The following ABL2 variants were observed in gnomAD, a reference collection of about 807,000 sequenced individuals.
ABL2 encodes the protein tyrosine-protein kinase ABL2.
ABL2 carries 49 observed loss-of-function variants against 107.7 expected under a neutral mutation model. The observed-to-expected ratio is 0.45, with a 90% CI of 0.36 to 0.58. ABL2 has a LOEUF of 0.58. Among genes scored for constraint, ABL2 ranks in the 20% least tolerant of loss-of-function variants. The probability of loss-of-function intolerance (pLI) is 0.00; values close to 1 mark genes in which losing one functional copy is unlikely to be tolerated. For missense variants in ABL2, 1,245 were observed against 1,457.0 expected (o/e 0.85, Z 2.37); for synonymous variants, 549 against 548.6 (o/e 1.00, Z -0.01).
chr1:179,186,543 T>A (rs1660695609), intron 1 of ABL2, among the ~76,000 whole-genome samples: 1 of 151,842 alleles, frequency 6.6e-6, no homozygotes, highest in Admixed American at 6.6e-5. Context: ...CATGCCCAGC[T>A]AATTTTTTTG....
chr1:179,152,499 GT>G (rs1658419836), intron 1 of ABL2, among the ~76,000 whole-genome samples: 1 of 152,156 alleles, frequency 6.6e-6, no homozygotes, highest in Non-Finnish European at 1.5e-5. Flanking sequence ...AGCTCACTGA[GT>G]TTTTTGCATG....
rs1653620956 is a variant in ABL2 at position 179,108,062 on chromosome 1, G to A, written c.3205C>T (p.Leu1069=). 2 of 1,614,120 alleles carry A rather than the reference G, an allele frequency of 1.2e-6. No homozygotes were observed. The highest frequency in any genetic ancestry group is 1.1e-5 in the South Asian group (1 of 91,090). The change falls in exon 12 of 12, where the codon CTG becomes TTG. Residue 1069 remains leucine (L), a synonymous_variant. Coordinates refer to ENST00000502732, the MANE Select transcript of ABL2 (RefSeq NM_007314.4). ...ANGTAGTKVA[L]RKTKQAAEKI... is the part of the protein sequence containing the mutation. Reference sequence around the variant, plus strand: ...TCAGCGGCCTGTTTGGTTTTTCTCAGAGCCACTTTAGTACCTGCTGTGCCA... The same window carrying A: ...TCAGCGGCCTGTTTGGTTTTTCTCAAAGCCACTTTAGTACCTGCTGTGCCA...
At chr1:179,123,295 C>T (rs1410857574) in intron 4 of ABL2, among the ~76,000 whole-genome samples, 1 of 151,912 alleles carries the variant, frequency 6.6e-6, no homozygotes, top group East Asian at 1.9e-4. Context: ...CACTTGAGGT[C>T]AAGAGTTGAG....
At chr1:179,151,019 T>C (rs1001891827) in intron 1 of ABL2, among the ~76,000 whole-genome samples, 6 of 152,190 alleles carry the variant, frequency 3.9e-5, no homozygotes, top group African/African-American at 1.4e-4. Context: ...AGGCATGTCC[T>C]TTTTTAATAG....
intron 1 of ABL2, among the ~76,000 whole-genome samples, chr1:179,176,468 T>C (rs560019557): frequency 6.6e-6 from 1 of 151,828 alleles, no homozygotes; most frequent in African/African-American, 2.4e-5. Context: ...CCCATAAATA[T>C]ATACACTATG....
At position 179,229,539 on chromosome 1, in the gene ABL2, C is replaced by G. The variant is rs986401502; in HGVS notation, c.-142G>C. On this transcript the variant is annotated 5_prime_UTR_variant, in exon 1 of 12. Transcript: ENST00000502732. ...TGAGTGGCTGGGCCACCGGCGGCTC[C>G]GCACCCGGCCTCCTCACGGCAGCCG... 8.2e-4 allele frequency: 672 copies of G among 819,880 alleles called. 2 individuals are homozygous for G. Among genetic ancestry groups the G allele is most frequent in the Non-Finnish European group, 9.9e-4 (578 of 581,514 alleles). The allele number at this position is 819,880 out of a possible 1,614,324, so 50.8% of individuals were successfully genotyped here. A position where few individuals can be genotyped will look rare whatever the true frequency, so the allele number is the denominator to read the frequency against.
chr1:179,121,915 A>ATTTTTTTT (rs71108094), intron 4 of ABL2, 48 bp from the exon 5 acceptor site: 2 of 694,324 alleles, frequency 2.9e-6, no homozygotes, highest in Non-Finnish European at 4.0e-6. Flanking sequence ...GAGATTAAGA[A>ATTTTTTTT]TTTTTTTTTT....
chr1:179,229,442 A>G lies in ABL2; in HGVS notation c.-45T>C. On this transcript the variant is annotated 5_prime_UTR_variant, in exon 1 of 12. It removes an upstream start codon present in the reference 5' UTR. Transcript: ENST00000502732. ...CGCGCCCCCGCCGACCCCTGGTCACATTCCTCCTCGGCTCCGGCCTCGGGC... is the reference window on the plus strand; with the variant it reads ...CGCGCCCCCGCCGACCCCTGGTCACGTTCCTCCTCGGCTCCGGCCTCGGGC... 6.9e-7 allele frequency: 1 copy of G among 1,449,226 alleles called. No individual in the cohort carries two copies. Among genetic ancestry groups the G allele is most frequent in the African/African-American group, 1.5e-5 (1 of 64,878 alleles). The allele number at this position is 1,449,226 out of a possible 1,614,324, so 89.8% of individuals were successfully genotyped here.
rs904311334 is a variant in ABL2, at chr1:179,145,751, C to T, written c.158-12377G>A. Reference sequence around the variant, plus strand: ...GAAATAAGAAGTGTGGCTACTGTTACGGAAGTCAAAAGATGAGCATGAAAC... The same window carrying T: ...GAAATAAGAAGTGTGGCTACTGTTATGGAAGTCAAAAGATGAGCATGAAAC... On this transcript the variant is annotated intron_variant, in intron 1 of 11. Coordinates refer to ENST00000502732, the MANE Select transcript of ABL2 (RefSeq NM_007314.4). 6.6e-5 allele frequency among the ~76,000 whole-genome samples: 10 copies of T among 152,066 alleles called. No individual in the cohort carries two copies. In the East Asian group the frequency reaches 1.2e-3, roughly 18 times the overall value.
rs762830651 is a variant in ABL2, at chr1:179,222,816, C to CA, written c.157+6424dup. Among the ~76,000 whole-genome samples the CA allele has an allele frequency of 3.1e-3, 458 of 146,350 alleles. 4 individuals carry two copies. The highest frequency in any genetic ancestry group is 0.023 in the East Asian group (116 of 5,034). ...AATACCTTTAAAATAACAACAACAA[C>CA]AAAAAAAAAACAGGCCGGGCACAGT... On this transcript the variant is annotated intron_variant, in intron 1 of 11. Transcript: ENST00000502732.
intron 9 of ABL2, 111 bp downstream of exon 9, chr1:179,114,767 T>G: frequency 6.2e-6 from 7 of 1,123,382 alleles, no homozygotes; most frequent in Non-Finnish European, 6.1e-6. Context: ...TTAAATGTCA[T>G]GAGGCTGGAT....
rs748260942 is a variant in ABL2 at position 179,103,538 on chromosome 1, T to C, written c.*4180A>G. 1.5e-4 allele frequency: 33 copies of C among 214,920 alleles called. No individual in the cohort carries two copies. Among genetic ancestry groups the C allele is most frequent in the Non-Finnish European group, 2.7e-4 (29 of 106,656 alleles). The allele number at this position is 214,920 out of a possible 1,614,324, so 13.3% of individuals were successfully genotyped here. A position where few individuals can be genotyped will look rare whatever the true frequency, so the allele number is the denominator to read the frequency against. ...TTAAAAACTCAAGTTGGTATTTCTT[T>C]ACTACAAAGTGCACATTGCTGTGTT... On this transcript the variant is annotated 3_prime_UTR_variant, in exon 12 of 12. Transcript: ENST00000502732.
At chr1:179,216,718 CTTT>C (rs553254452) in intron 1 of ABL2, among the ~76,000 whole-genome samples, 1 of 145,072 alleles carries the variant, frequency 6.9e-6, no homozygotes. Context: ...TACACAGATT[CTTT>C]TTTTTTTTTG....
intron 1 of ABL2, among the ~76,000 whole-genome samples, chr1:179,172,016 C>T (rs150148432): frequency 5.3e-5 from 8 of 152,096 alleles, no homozygotes; most frequent in African/African-American, 1.9e-4. Context: ...CAATGTATAC[C>T]ACAAATAAAT....
At chr1:179,181,297 A>C (rs943489487) in intron 1 of ABL2, among the ~76,000 whole-genome samples, 1 of 152,230 alleles carries the variant, frequency 6.6e-6, no homozygotes, top group African/African-American at 2.4e-5. Flanking sequence ...AGAGGAAAAT[A>C]ATTTTGGTAA....
chr1:179,200,680 T>A (rs2636289), intron 1 of ABL2, among the ~76,000 whole-genome samples: 32,749 of 152,132 alleles, frequency 0.22, 4,477 homozygotes, highest in East Asian at 0.35. Context: ...GATCCACTAT[T>A]GTATTGGAAA....
At chr1:179,136,440 T>C (rs1031561237) in intron 1 of ABL2, among the ~76,000 whole-genome samples, 1 of 152,208 alleles carries the variant, frequency 6.6e-6, no homozygotes, top group Non-Finnish European at 1.5e-5. Flanking sequence ...AAACATGTGC[T>C]GCATCCACTC....
At chr1:179,221,672 A>C in intron 1 of ABL2, 2 of 209,056 alleles carry the variant, frequency 9.6e-6, no homozygotes. Context: ...TCATGACAAC[A>C]GACACTTATG....
At chr1:179,182,599 A>C (rs1402931316) in intron 1 of ABL2, among the ~76,000 whole-genome samples, 2 of 152,164 alleles carry the variant, frequency 1.3e-5, no homozygotes, top group Admixed American at 1.3e-4. Context: ...AAAAGACATG[A>C]TTTCATTCAT....
Sources: allele counts gnomAD v4.1 joint callset (sites outside exome capture counted in the v4.1 genomes callset), GRCh38; gene constraint gnomAD v4.1.1; transcripts MANE v1.5; gene names NCBI Gene and HGNC (gene_info 2026-07-23, HGNC 2026-07-21).